The following CDC14B variants were observed in gnomAD, a reference collection of about 807,000 sequenced individuals.
The protein encoded by CDC14B is dual specificity protein phosphatase CDC14B.
Under a neutral mutation model 64.2 loss-of-function variants are expected in CDC14B, and 22 were observed. The ratio of observed to expected loss-of-function variants is 0.34; its 90% CI spans 0.24 to 0.49. The LOEUF (loss-of-function observed/expected upper bound fraction) is 0.49. Among genes scored for constraint, CDC14B ranks in the 20% least tolerant of loss-of-function variants. The probability of loss-of-function intolerance (pLI) is 0.99; values close to 1 mark genes in which losing one functional copy is unlikely to be tolerated. For missense variants in CDC14B, 498 were observed against 629.9 expected (o/e 0.79, Z 2.24); for synonymous variants, 191 against 215.8 (o/e 0.89, Z 1.01).
chr9:96,566,833 G>A, intron 1 of CDC14B: 1 of 1,600,986 alleles, frequency 6.2e-7, no homozygotes, highest in South Asian at 1.1e-5. Flanking sequence ...AAAGCATCTG[G>A]AAGGCGGGGC....
intron 13 of CDC14B, among the ~76,000 whole-genome samples, chr9:96,505,004 T>G (rs1232556658): frequency 6.6e-6 from 1 of 152,070 alleles, no homozygotes; most frequent in Non-Finnish European, 1.5e-5. Context: ...TGAAACCTCA[T>G]CTCTACTAAA....
chr9:96,508,024 T>C (rs1834398303), intron 13 of CDC14B, among the ~76,000 whole-genome samples: 1 of 152,026 alleles, frequency 6.6e-6, no homozygotes, highest in African/African-American at 2.4e-5. Flanking sequence ...ATTTTTTTTT[T>C]TTCTTTTTTG....
chr9:96,534,410 A>T (rs1356433474), intron 8 of CDC14B, 45 bp downstream of exon 8: 1 of 1,327,642 alleles, frequency 7.5e-7, no homozygotes, highest in African/African-American at 1.4e-5. Flanking sequence ...TATAGGATAG[A>T]TATTTTCAAT....
chr9:96,508,313 G>A (rs905771524), intron 13 of CDC14B, among the ~76,000 whole-genome samples: 2 of 152,176 alleles, frequency 1.3e-5, no homozygotes, highest in African/African-American at 4.8e-5. Context: ...ACCGCACCCG[G>A]CCCATACTTC....
intron 1 of CDC14B, among the ~76,000 whole-genome samples, chr9:96,586,293 A>ATC (rs1355595000): frequency 6.6e-6 from 1 of 152,354 alleles, no homozygotes; most frequent in Non-Finnish European, 1.5e-5. Context: ...TGACCTTAGT[A>ATC]TCTGTTACAG....
Position 96,523,502 on chromosome 9 carries a change from G to A in CDC14B, c.1086-82C>T, listed in dbSNP as rs7867902. 9.8e-3 allele frequency: 15,751 copies of A among 1,602,484 alleles called. 1,316 individuals carry two copies. In the African/African-American group the frequency reaches 0.18, roughly 19 times the overall value. The stretch of plus-strand genomic sequence containing the variant: ...TCTTCCTACCAGATTATCTGTTGTT[G>A]TTGGAAACTAAAGGAAATTCCACTC... On this transcript the variant is annotated intron_variant, in intron 10 of 13. Transcript: ENST00000375241.
rs895469326 is a variant in CDC14B, at chr9:96,534,043, C to G, written c.830G>C (p.Gly277Ala). ...AAAGAAAAGATCATGGTGATCGAAG[C>G]CAGCATCCGTAAAGCGTTTGGCATC... ...MYDAKRFTDA[G>A]FDHHDLFFAD... is the part of the protein sequence containing the mutation. Residue 277 changes from glycine (G) to alanine (A), a missense_variant, in exon 9 of 14, where the codon GGC (glycine) becomes GCC (alanine). Physicochemically the swap from Gly to Ala is moderately conservative, Grantham distance 60. Coordinates refer to ENST00000375241, the MANE Select transcript of CDC14B (RefSeq NM_033331.4). The G allele has an allele frequency of 1.2e-6, 2 of 1,613,082 alleles. No homozygotes were observed. The highest frequency in any genetic ancestry group is 1.7e-5 in the Admixed American group (1 of 59,936).
chr9:96,617,082 G>A (rs1022719333), intron 1 of CDC14B, among the ~76,000 whole-genome samples: 6 of 148,982 alleles, frequency 4.0e-5, no homozygotes, highest in Non-Finnish European at 5.9e-5. Flanking sequence ...GGACCCTTCC[G>A]TTATTAGGGC....
chr9:96,600,613 C>T (rs1208230095), intron 1 of CDC14B, among the ~76,000 whole-genome samples: 1 of 151,948 alleles, frequency 6.6e-6, no homozygotes, highest in African/African-American at 2.4e-5. Context: ...AGCGATTCTC[C>T]GGCCTCAGCC....
At chr9:96,603,605 T>C (rs117633107) in intron 1 of CDC14B, among the ~76,000 whole-genome samples, 181 of 152,342 alleles carry the variant, frequency 1.2e-3, no homozygotes, top group Admixed American at 2.7e-3. Flanking sequence ...AGAAAAATTA[T>C]TTCTAAAACT....
At chr9:96,573,715 T>C (rs2118086634) in intron 1 of CDC14B, among the ~76,000 whole-genome samples, 1 of 152,316 alleles carries the variant, frequency 6.6e-6, no homozygotes, top group South Asian at 2.1e-4. Flanking sequence ...CTAATACATG[T>C]AAATTGCATG....
chr9:96,504,509 C>T (rs1488038413), intron 13 of CDC14B, among the ~76,000 whole-genome samples: 5 of 152,324 alleles, frequency 3.3e-5, no homozygotes, highest in South Asian at 2.1e-4. Flanking sequence ...TCGATCATTT[C>T]GTTTTCAGAG....
intron 1 of CDC14B, among the ~76,000 whole-genome samples, chr9:96,581,628 G>T (rs1845164226): frequency 6.6e-6 from 1 of 152,038 alleles, no homozygotes; most frequent in South Asian, 2.1e-4. Context: ...AAGGATTTGG[G>T]GGCAGGGAAG....
intron 1 of CDC14B, among the ~76,000 whole-genome samples, chr9:96,583,448 G>A (rs1374159076): frequency 6.7e-6 from 1 of 149,966 alleles, no homozygotes; most frequent in Non-Finnish European, 1.5e-5. Flanking sequence ...CCAGGCTGGA[G>A]TGCAATGGTG....
rs114394875 is a variant in CDC14B at position 96,581,406 on chromosome 9, C to T, written c.161-15923G>A. On this transcript the variant is annotated intron_variant, in intron 1 of 13. Coordinates refer to ENST00000375241, the MANE Select transcript of CDC14B (RefSeq NM_033331.4). ...ATCACTTGAGCCCAGGAGGTTGAGGCCACAGTGTGTTATGATTGCAGTACT... is the reference window on the plus strand; with the variant it reads ...ATCACTTGAGCCCAGGAGGTTGAGGTCACAGTGTGTTATGATTGCAGTACT... Among the ~76,000 whole-genome samples the T allele has an allele frequency of 7.5e-3, 1,072 of 142,392 alleles. 18 individuals are homozygous for T. The highest frequency in any genetic ancestry group is 0.03 in the African/African-American group (993 of 33,030). The allele number at this position is 142,392 out of a possible 152,430, so 93.4% of individuals were successfully genotyped here.
At chr9:96,514,686 G>T in intron 12 of CDC14B, 20 of 985,472 alleles carry the variant, frequency 2.0e-5, no homozygotes, top group Non-Finnish European at 2.3e-5. Context: ...GACAAGAGAA[G>T]AAATTCTTAA....
At chr9:96,574,291 A>G (rs1292306614) in intron 1 of CDC14B, among the ~76,000 whole-genome samples, 1 of 152,216 alleles carries the variant, frequency 6.6e-6, no homozygotes, top group Non-Finnish European at 1.5e-5. Context: ...AACATCTCAT[A>G]TGACATTAGG....
chr9:96,603,023 T>C (rs1846606877), intron 1 of CDC14B, among the ~76,000 whole-genome samples: 1 of 152,056 alleles, frequency 6.6e-6, no homozygotes, highest in Non-Finnish European at 1.5e-5. Context: ...AACCAGAAGC[T>C]TAACCATCCG....
At position 96,502,325 on chromosome 9, in the gene CDC14B, A is replaced by G. The variant is rs1833624993; in HGVS notation, c.*1428T>C. On this transcript the variant is annotated 3_prime_UTR_variant, in exon 14 of 14. Coordinates refer to ENST00000375241, the MANE Select transcript of CDC14B (RefSeq NM_033331.4). ...AAAATGGAGGCACTGCCTTTCAATT[A>G]CTTTTTGCATTAAAGACTTTTAACT... 6.6e-6 allele frequency: 1 copy of G among 152,248 alleles called. No homozygotes were observed. Among genetic ancestry groups the G allele is most frequent in the South Asian group, 2.1e-4 (1 of 4,836 alleles). The allele number at this position is 152,248 out of a possible 1,614,324, so 9.4% of individuals were successfully genotyped here. A position where few individuals can be genotyped will look rare whatever the true frequency, so the allele number is the denominator to read the frequency against.
Sources: gnomAD v4.1 joint callset for allele counts (sites outside exome capture counted in the v4.1 genomes callset) on GRCh38, gnomAD v4.1.1 for gene constraint, MANE v1.5 for transcripts, NCBI Gene and HGNC (gene_info 2026-07-23, HGNC 2026-07-21) for gene names.